The following ABI3BP variants were observed in gnomAD, a reference collection of about 807,000 sequenced individuals.
The protein encoded by ABI3BP is ABI family member 3 binding protein.
ABI3BP carries 216 observed loss-of-function variants against 268.6 expected under a neutral mutation model. The ratio of observed to expected loss-of-function variants is 0.80; its 90% confidence interval spans 0.72 to 0.90. ABI3BP has a LOEUF of 0.90. Among genes scored for constraint, ABI3BP ranks in the 40% least tolerant of loss-of-function variants. The pLI is 0.00. For missense variants in ABI3BP, 2,090 were observed against 2,182.4 expected, an observed-to-expected ratio of 0.96 and a Z score of 0.84; for synonymous variants, 730 against 730.0, an observed-to-expected ratio of 1.00 and a Z score of 0.00.
chr3:100,774,063 T>A (rs1317373151), intron 61 of ABI3BP, among the ~76,000 whole-genome samples: 1 of 152,156 alleles, frequency 6.6e-6, no homozygotes, highest in African/African-American at 2.4e-5. Context: ...ATTCATCAAA[T>A]GTTACATTTC....
chr3:100,819,912 C>T (rs964850035), intron 40 of ABI3BP, among the ~76,000 whole-genome samples: 38 of 140,810 alleles, frequency 2.7e-4, no homozygotes, highest in Non-Finnish European at 6.0e-5. Context: ...CGTGCCACTG[C>T]ACTCCAGCCG....
chr3:100,973,748 G>T (rs1420322780), intron 1 of ABI3BP, among the ~76,000 whole-genome samples: 1 of 152,092 alleles, frequency 6.6e-6, no homozygotes, highest in Non-Finnish European at 1.5e-5. Context: ...AAAACTATAT[G>T]ACAGTTCAAT....
At chr3:100,990,794 A>C (rs1361056194) in intron 1 of ABI3BP, among the ~76,000 whole-genome samples, 1 of 152,030 alleles carries the variant, frequency 6.6e-6, no homozygotes, top group Admixed American at 6.6e-5. Context: ...TAGAACATGG[A>C]TTTTGAATGA....
chr3:100,961,817 T>C (rs573055947), intron 1 of ABI3BP, among the ~76,000 whole-genome samples: 26 of 152,328 alleles, frequency 1.7e-4, no homozygotes, highest in Middle Eastern at 3.4e-3. Context: ...ATAGCCTTCA[T>C]GGATGTTTTT....
intron 51 of ABI3BP, among the ~76,000 whole-genome samples, chr3:100,797,582 T>C (rs1205853354): frequency 6.8e-6 from 1 of 146,178 alleles, no homozygotes; most frequent in Non-Finnish European, 1.5e-5. Context: ...TTTTTTTTTA[T>C]TATGAGGTGG....
chr3:100,851,611 T>C (rs925499069), intron 15 of ABI3BP, among the ~76,000 whole-genome samples: 3 of 152,238 alleles, frequency 2.0e-5, no homozygotes, highest in Admixed American at 6.5e-5. Flanking sequence ...GAACAATTCA[T>C]TAAGCTATTA....
chr3:100,868,300 C>T (rs1206779801), intron 9 of ABI3BP, among the ~76,000 whole-genome samples: 1 of 152,088 alleles, frequency 6.6e-6, no homozygotes, highest in Admixed American at 6.5e-5. Flanking sequence ...CATTGGATTC[C>T]AATAGTGCTC....
intron 2 of ABI3BP, chr3:100,911,506 C>G: frequency 2.2e-6 from 1 of 448,688 alleles, no homozygotes; most frequent in South Asian, 2.6e-5. Flanking sequence ...CTTTTTTTTG[C>G]ATATACTCCT....
At chr3:100,875,684 T>G (rs2099155040) in intron 7 of ABI3BP, 105 bp from the exon 8 acceptor site, 2 of 805,036 alleles carry the variant, frequency 2.5e-6, no homozygotes, top group African/African-American at 1.7e-5. Context: ...TCTAACTTTA[T>G]TAATTAATAC....
intron 23 of ABI3BP, among the ~76,000 whole-genome samples, chr3:100,839,822 C>A (rs1163173998): frequency 6.6e-6 from 1 of 152,126 alleles, no homozygotes; most frequent in African/African-American, 2.4e-5. Context: ...TTTCAAGGTG[C>A]TTTACTTTAA....
At chr3:100,944,827 C>T (rs915905926) in intron 1 of ABI3BP, among the ~76,000 whole-genome samples, 1 of 152,132 alleles carries the variant, frequency 6.6e-6, no homozygotes, top group African/African-American at 2.4e-5. Context: ...CTAAACTTAT[C>T]CTGAGAATAT....
intron 1 of ABI3BP, among the ~76,000 whole-genome samples, chr3:100,941,196 C>G (rs1383425654): frequency 1.3e-5 from 2 of 151,882 alleles, no homozygotes; most frequent in Admixed American, 1.3e-4. Context: ...TTCATGATCT[C>G]TGCTCCAGGG....
At chr3:100,805,968 A>C (rs2097693553) in intron 50 of ABI3BP, among the ~76,000 whole-genome samples, 1 of 152,036 alleles carries the variant, frequency 6.6e-6, no homozygotes, top group Admixed American at 6.6e-5. Context: ...GAAATCTAGG[A>C]GCACCCATAA....
intron 1 of ABI3BP, among the ~76,000 whole-genome samples, 166 bp downstream of exon 1, chr3:100,993,140 G>A (rs1031528691): frequency 6.6e-6 from 1 of 152,146 alleles, no homozygotes; most frequent in Non-Finnish European, 1.5e-5. Flanking sequence ...AATAACAGGA[G>A]GGGAAAGTAA....
rs77652662 is a variant in ABI3BP at position 100,897,278 on chromosome 3, A to G, written c.461+1484T>C. Among the ~76,000 whole-genome samples the G allele has an allele frequency of 4.3e-3, 662 of 152,292 alleles. 11 individuals carry two copies. The East Asian group carries it at 0.066, about 15-fold the overall frequency. On this transcript the variant is annotated intron_variant, in intron 4 of 67. Coordinates refer to ENST00000471714, the MANE Select transcript of ABI3BP (RefSeq NM_001375547.2). ...TGTAGATGGAAAAATTAGGCAAAAA[A>G]TAATCAAATATACGTAATATACATC...
chr3:100,763,176 G>A (rs1361347395), intron 63 of ABI3BP, among the ~76,000 whole-genome samples: 2 of 151,972 alleles, frequency 1.3e-5, no homozygotes, highest in East Asian at 1.9e-4. Flanking sequence ...AAATCTAGAC[G>A]GGGGCTGGGC....
At chr3:100,880,357 C>T (rs2099214795) in intron 6 of ABI3BP, among the ~76,000 whole-genome samples, 1 of 152,202 alleles carries the variant, frequency 6.6e-6, no homozygotes. Flanking sequence ...CCCATTCTTG[C>T]TGCAAACCTC....
chr3:100,878,090 C>T (rs2099181835), intron 6 of ABI3BP, among the ~76,000 whole-genome samples: 1 of 151,792 alleles, frequency 6.6e-6, no homozygotes, highest in African/African-American at 2.4e-5. Context: ...AGCAATCCGG[C>T]CTAAGGAATT....
intron 1 of ABI3BP, among the ~76,000 whole-genome samples, chr3:100,953,223 T>A (rs904594644): frequency 6.6e-6 from 1 of 152,142 alleles, no homozygotes; most frequent in Non-Finnish European, 1.5e-5. Context: ...CCAACCTCAT[T>A]ACCTTTCCAA....
Sources: allele counts gnomAD v4.1 joint callset (sites outside exome capture counted in the v4.1 genomes callset), GRCh38; gene constraint gnomAD v4.1.1; transcripts MANE v1.5; gene names NCBI Gene and HGNC (gene_info 2026-07-23, HGNC 2026-07-21).